Variants in CHM observed in about 807,000 individuals in gnomAD.
The protein encoded by CHM is rab proteins geranylgeranyltransferase component A 1.
CHM carries 10 observed loss-of-function variants against 49.0 expected under a neutral mutation model. The ratio of observed to expected loss-of-function variants is 0.20; its 90% CI spans 0.13 to 0.35. The LOEUF (loss-of-function observed/expected upper bound fraction) is 0.35. Among genes scored for constraint, CHM ranks in the 10% least tolerant of loss-of-function variants. The pLI, the probability that CHM is intolerant of heterozygous loss-of-function variation, is 1.00. For missense variants in CHM, 455 were observed against 478.4 expected (o/e 0.95, Z 0.46); for synonymous variants, 184 against 167.5 (o/e 1.10, Z -0.76).
At chrX:85,971,539 C>T (rs1438070833) in intron 4 of CHM, 3 of 153,562 alleles carry the variant, frequency 2.0e-5, no homozygotes, top group Non-Finnish European at 4.0e-5. Context: ...AGGAGTGAAG[C>T]TGCAGATCTT....
chrX:86,015,549 G>A (rs967657448), intron 2 of CHM, among the ~76,000 whole-genome samples: 13 of 111,692 alleles, frequency 1.2e-4, no homozygotes, highest in African/African-American at 4.2e-4. Context: ...AGTTTGGAGG[G>A]CTCAGAAAAA....
intron 1 of CHM, among the ~76,000 whole-genome samples, chrX:86,045,613 C>T (rs1328184865): frequency 1.8e-5 from 2 of 111,650 alleles, no homozygotes; most frequent in Admixed American, 9.5e-5. Flanking sequence ...TGATGCAATT[C>T]TCTGGCTCAC....
At position 85,906,716 on chromosome X, in the gene CHM, C is replaced by T. The variant is rs1569408079; in HGVS notation, c.1244+4545G>A. ...AGACGTTAAGTATCCAGAATATGAC[C>T]ACTACCATTTTGCAAGCAGGCCATG... On this transcript the variant is annotated intron_variant, in intron 9 of 14. Transcript: ENST00000357749. 2.7e-5 allele frequency among the ~76,000 whole-genome samples: 3 copies of T among 112,084 alleles called. No homozygotes were observed. In the Admixed American group the frequency reaches 2.8e-4, roughly 11 times the overall value.
chrX:85,982,661 G>A (rs1242948971), intron 2 of CHM, among the ~76,000 whole-genome samples: 1 of 111,509 alleles, frequency 9.0e-6, no homozygotes, highest in Non-Finnish European at 1.9e-5. Flanking sequence ...TACTGACTCT[G>A]TATGATGAGC....
chrX:85,932,774 T>C (rs181573602), intron 8 of CHM, among the ~76,000 whole-genome samples: 3 of 111,807 alleles, frequency 2.7e-5, no homozygotes, highest in Admixed American at 1.9e-4. Flanking sequence ...CATCATAGCA[T>C]ACACTACTGC....
chrX:85,936,488 A>G (rs888398314), intron 8 of CHM, among the ~76,000 whole-genome samples: 1 of 111,970 alleles, frequency 8.9e-6, no homozygotes, highest in Non-Finnish European at 1.9e-5. Context: ...AATTTAAATG[A>G]CATGTTCAAG....
intron 8 of CHM, among the ~76,000 whole-genome samples, chrX:85,949,100 T>C (rs1288344521): frequency 9.0e-6 from 1 of 111,268 alleles, no homozygotes; most frequent in Non-Finnish European, 1.9e-5. Flanking sequence ...CTGAGCCACA[T>C]GTAGGCTCTG....
At position 85,905,464 on chromosome X, in the gene CHM, C is replaced by T. The variant is rs1357106749; in HGVS notation, c.1245-4276G>A. ...CTAAAGGACAAGATTCAGACAGAGA[C>T]AATTTTTGAAGATTCAGGCAGAGAC... On this transcript the variant is annotated intron_variant, in intron 9 of 14. Coordinates refer to ENST00000357749, the MANE Select transcript of CHM (RefSeq NM_000390.4). 2.7e-5 allele frequency among the ~76,000 whole-genome samples: 3 copies of T among 111,481 alleles called. No homozygotes were observed. In the Admixed American group the frequency reaches 2.9e-4, roughly 11 times the overall value.
intron 8 of CHM, among the ~76,000 whole-genome samples, chrX:85,955,445 CT>C (rs1344833495): frequency 9.0e-6 from 1 of 111,601 alleles, no homozygotes; most frequent in Admixed American, 9.5e-5. Context: ...CAAGTATTCC[CT>C]GAAGATAAAA....
chrX:85,892,785 C>T (rs1205784905), intron 12 of CHM, among the ~76,000 whole-genome samples: 1 of 111,669 alleles, frequency 9.0e-6, no homozygotes, highest in East Asian at 2.8e-4. Context: ...CACATGTTCC[C>T]ATTTTTAAGT....
chrX:85,927,831 C>G (rs896743909), intron 8 of CHM, among the ~76,000 whole-genome samples: 9 of 112,162 alleles, frequency 8.0e-5, no homozygotes, highest in Non-Finnish European at 1.7e-4. Flanking sequence ...ATATGCTTTA[C>G]AAAAGCAATT....
At chrX:85,969,215 G>A (rs1228576241) in intron 4 of CHM, 1 of 737,491 alleles carries the variant, frequency 1.4e-6, no homozygotes, top group Non-Finnish European at 1.6e-6. Flanking sequence ...ACAACGTTCA[G>A]TACAATGCAG....
At chrX:85,956,020 A>C in intron 8 of CHM, 133 bp downstream of exon 8, 1 of 517,692 alleles carries the variant, frequency 1.9e-6, no homozygotes, top group Non-Finnish European at 3.2e-6. Context: ...AATAGATTAT[A>C]AAAAATAAAT....
intron 9 of CHM, among the ~76,000 whole-genome samples, chrX:85,902,391 T>C (rs778224120): frequency 8.9e-6 from 1 of 112,104 alleles, no homozygotes; most frequent in Non-Finnish European, 1.9e-5. Flanking sequence ...GATTATAATA[T>C]GCTGGTATTT....
intron 8 of CHM, among the ~76,000 whole-genome samples, chrX:85,947,089 G>A (rs987304348): frequency 8.9e-6 from 1 of 112,557 alleles, no homozygotes; most frequent in African/African-American, 3.2e-5. Context: ...CTCATTTCCA[G>A]AAAAGAATTT....
At chrX:85,964,270 T>C (rs1398994059) in intron 4 of CHM, among the ~76,000 whole-genome samples, 3 of 111,082 alleles carry the variant, frequency 2.7e-5, no homozygotes, top group African/African-American at 6.6e-5. Flanking sequence ...GGGAACTGTA[T>C]TGGAAGCAAA....
chrX:85,957,622 G>A (rs1219429891), intron 7 of CHM, among the ~76,000 whole-genome samples: 1 of 70,837 alleles, frequency 1.4e-5, no homozygotes, highest in African/African-American at 5.1e-5. Context: ...TGGGGCTATG[G>A]GAGCCCTTGA....
intron 4 of CHM, among the ~76,000 whole-genome samples, chrX:85,978,217 A>G (rs2147705403): frequency 8.9e-6 from 1 of 112,022 alleles, no homozygotes; most frequent in East Asian, 2.8e-4. Flanking sequence ...TTCTATCCTA[A>G]TTTACCAAAA....
intron 8 of CHM, among the ~76,000 whole-genome samples, chrX:85,913,335 AG>A (rs1234486359): frequency 0.05 from 3,109 of 62,764 alleles, 404 homozygotes; most frequent in Non-Finnish European, 0.075. Flanking sequence ...AAAAAAAAAA[AG>A]AAAGAAAGAA....
Sources: gnomAD v4.1 joint callset for allele counts (sites outside exome capture counted in the v4.1 genomes callset) on GRCh38, gnomAD v4.1.1 for gene constraint, MANE v1.5 for transcripts, NCBI Gene and HGNC (gene_info 2026-07-23, HGNC 2026-07-21) for gene names.